MTUS2: variants seen among roughly 807,000 people sequenced by gnomAD.
MTUS2 encodes the protein microtubule-associated tumor suppressor candidate 2.
Under a neutral mutation model 114.1 loss-of-function variants are expected in MTUS2, and 40 were observed. The ratio of observed to expected loss-of-function variants is 0.35; its 90% CI spans 0.27 to 0.46. The LOEUF is 0.46. Among genes scored for constraint, MTUS2 ranks in the 20% least tolerant of loss-of-function variants. The probability of loss-of-function intolerance (pLI) is 1.00; values close to 1 mark genes in which losing one functional copy is unlikely to be tolerated. For missense variants in MTUS2, 1,679 were observed against 1,705.4 expected (o/e 0.98, Z 0.27); for synonymous variants, 688 against 672.0 (o/e 1.02, Z -0.37).
At chr13:29,390,005 A>G (rs142286070) in intron 8 of MTUS2, among the ~76,000 whole-genome samples, 46 of 3,512 alleles carry the variant, frequency 0.013, 6 homozygotes, top group African/African-American at 0.017. Context: ...ATGTATGTGT[A>G]TATATACACA....
At chr13:29,469,491 G>A (rs541208166) in intron 9 of MTUS2, among the ~76,000 whole-genome samples, 2 of 152,084 alleles carry the variant, frequency 1.3e-5, no homozygotes, top group Non-Finnish European at 2.9e-5. Context: ...GTTGGGCGTG[G>A]TGGTGGGCGC....
chr13:29,335,462 G>T (rs149917141), intron 7 of MTUS2, among the ~76,000 whole-genome samples: 272 of 152,134 alleles, frequency 1.8e-3, no homozygotes, highest in African/African-American at 6.3e-3. Context: ...TTGCCTTGTG[G>T]TATTTTATTA....
chr13:29,011,025 T>G (rs772225698), intron 2 of MTUS2, among the ~76,000 whole-genome samples: 1 of 152,116 alleles, frequency 6.6e-6, no homozygotes, highest in Non-Finnish European at 1.5e-5. Flanking sequence ...GCCAAACACT[T>G]ATGCATACAT....
intron 8 of MTUS2, among the ~76,000 whole-genome samples, chr13:29,438,329 G>A (rs1425985304): frequency 6.6e-6 from 1 of 152,200 alleles, no homozygotes; most frequent in Non-Finnish European, 1.5e-5. Flanking sequence ...GGAGGTGTCC[G>A]TTGGGTCTGT....
rs562877678 is a variant in MTUS2 at position 29,383,358 on chromosome 13, TG to T, written c.3117+23886del. 6.1e-3 allele frequency among the ~76,000 whole-genome samples: 926 copies of T among 151,842 alleles called. 8 individuals are homozygous for T. Among genetic ancestry groups the T allele is most frequent in the Non-Finnish European group, 0.011 (725 of 67,976 alleles). On this transcript the variant is annotated intron_variant, in intron 8 of 15. Transcript: ENST00000612955. ...GTGAATACTAAAGGAAAAGGAAACA[TG>T]TGAGGTCTATTTTAAGTTCATGGTC...
chr13:28,960,404 T>TA (rs1353097308), intron 2 of MTUS2, among the ~76,000 whole-genome samples: 7 of 152,182 alleles, frequency 4.6e-5, no homozygotes, highest in African/African-American at 1.7e-4. Context: ...TGTGAAAACA[T>TA]ACATGCACAC....
intron 11 of MTUS2, 60 bp from the exon 12 acceptor site, chr13:29,492,586 G>A: frequency 7.1e-7 from 1 of 1,402,066 alleles, no homozygotes; most frequent in Non-Finnish European, 1.0e-6. Context: ...TGCCAAAAGA[G>A]CCTTGTTTTA....
intron 2 of MTUS2, among the ~76,000 whole-genome samples, chr13:28,902,046 A>G (rs1279788501): frequency 6.6e-6 from 1 of 152,086 alleles, no homozygotes; most frequent in South Asian, 2.1e-4. Context: ...AAGTTTCCGT[A>G]TGTGTTTTGT....
chr13:29,080,579 T>C (rs1889396815), intron 4 of MTUS2, among the ~76,000 whole-genome samples: 1 of 152,222 alleles, frequency 6.6e-6, no homozygotes, highest in Non-Finnish European at 1.5e-5. Flanking sequence ...CCAGCACAAA[T>C]GTAGGCTTGG....
intron 8 of MTUS2, among the ~76,000 whole-genome samples, chr13:29,403,683 CAT>C (rs1288359192): frequency 2.0e-5 from 3 of 152,178 alleles, no homozygotes; most frequent in African/African-American, 7.2e-5. Context: ...CCTACTGGCT[CAT>C]ATTGAAACGT....
At chr13:28,996,387 T>G in intron 2 of MTUS2, among the ~76,000 whole-genome samples, 1 of 152,230 alleles carries the variant, frequency 6.6e-6, no homozygotes, top group Non-Finnish European at 1.5e-5. Context: ...TGCCAGGCTT[T>G]GGTATCAGGA....
Position 29,025,920 on chromosome 13 carries a change from A to G in MTUS2, c.1222A>G (p.Asn408Asp), listed in dbSNP as rs777472179. ...CTCTGCTTCCTTAGGAGGGGCTGATAATCAGCCCACTGGCAAAATTTCACC... is the reference window on the plus strand; with the variant it reads ...CTCTGCTTCCTTAGGAGGGGCTGATGATCAGCCCACTGGCAAAATTTCACC... ...QGSASLGGAD[N>D]QPTGKISPCA... Residue 408 changes from asparagine to aspartate, a missense_variant, in exon 3 of 16, where the codon AAT (asparagine) becomes GAT (aspartate). By Grantham distance (23) the Asn-to-Asp change is conservative (BLOSUM62 1). Coordinates refer to ENST00000612955, the MANE Select transcript of MTUS2 (RefSeq NM_001033602.4). 11 of 1,613,690 alleles carry G rather than the reference A, an allele frequency of 6.8e-6. No homozygotes were observed. Among genetic ancestry groups the G allele is most frequent in the Non-Finnish European group, 8.5e-6 (10 of 1,179,784 alleles).
chr13:29,404,210 G>C (rs1442902368), intron 8 of MTUS2, among the ~76,000 whole-genome samples: 3 of 151,388 alleles, frequency 2.0e-5, no homozygotes, highest in Non-Finnish European at 2.9e-5. Flanking sequence ...AATTAGCCGA[G>C]TGTGGTGGTG....
At chr13:29,107,601 T>C (rs1890720603) in intron 5 of MTUS2, among the ~76,000 whole-genome samples, 1 of 152,180 alleles carries the variant, frequency 6.6e-6, no homozygotes, top group African/African-American at 2.4e-5. Flanking sequence ...TAGAAAACCC[T>C]TTGAACTCTA....
chr13:29,107,279 GGGGCTATGCCTCTTAATAAT>G (rs1299462665), intron 5 of MTUS2, among the ~76,000 whole-genome samples: 1 of 151,994 alleles, frequency 6.6e-6, no homozygotes, highest in Non-Finnish European at 1.5e-5. Flanking sequence ...TTAGGGGGTG[GGGGCTATGCCTCTTAATAAT>G]TTTAGTATCT....
intron 2 of MTUS2, among the ~76,000 whole-genome samples, chr13:28,928,967 C>A (rs548696286): frequency 6.6e-6 from 1 of 152,142 alleles, no homozygotes; most frequent in Non-Finnish European, 1.5e-5. Context: ...TATATACACA[C>A]AATGGAATAT....
chr13:28,826,208 G>A (rs9508173), intron 1 of MTUS2, among the ~76,000 whole-genome samples: 75,088 of 151,824 alleles, frequency 0.49, 19,172 homozygotes, highest in Non-Finnish European at 0.53. Flanking sequence ...ATTTTCCTTG[G>A]ATTTTCCAGA....
chr13:29,001,277 A>G (rs1885372703), intron 2 of MTUS2, among the ~76,000 whole-genome samples: 1 of 152,202 alleles, frequency 6.6e-6, no homozygotes, highest in African/African-American at 2.4e-5. Context: ...AGGGTTCATC[A>G]TAAACCACAG....
At chr13:29,120,453 A>C (rs1891262114) in intron 5 of MTUS2, among the ~76,000 whole-genome samples, 1 of 152,054 alleles carries the variant, frequency 6.6e-6, no homozygotes, top group Non-Finnish European at 1.5e-5. Context: ...CTTGTATATT[A>C]AAATATATAA....
Sources: allele counts gnomAD v4.1 joint callset (sites outside exome capture counted in the v4.1 genomes callset), GRCh38; gene constraint gnomAD v4.1.1; transcripts MANE v1.5; gene names NCBI Gene and HGNC (gene_info 2026-07-23, HGNC 2026-07-21).